The following PIGV variants were observed in gnomAD, a reference collection of about 807,000 sequenced individuals.
The protein encoded by PIGV is phosphatidylinositol glycan anchor biosynthesis class V, also known as GPI alpha-1,6-mannosyltransferase 2.
PIGV carries 27 observed loss-of-function variants against 39.2 expected under a neutral mutation model. The observed-to-expected ratio is 0.69, with a 90% confidence interval of 0.51 to 0.95. PIGV has a LOEUF of 0.95. PIGV is among the 40% of genes least tolerant of loss of function. The pLI is 0.00. For missense variants in PIGV, 523 were observed against 586.4 expected (o/e 0.89, Z 1.12); for synonymous variants, 232 against 241.7 (o/e 0.96, Z 0.37).
At chr1:26,787,899 C>T (rs1420421170), upstream of PIGV, 2 of 152,314 alleles carry the variant, frequency 1.3e-5, no homozygotes, top group East Asian at 3.8e-4. Flanking sequence ...GGCGGGGCTG[C>T]TCCAAGTCCG....
chr1:26,793,084 TC>T (rs1335916343), intron 2 of PIGV, among the ~76,000 whole-genome samples: 2 of 152,188 alleles, frequency 1.3e-5, no homozygotes, highest in African/African-American at 4.8e-5. Context: ...TCTGTCCTCT[TC>T]TCTAAGGCTG....
Position 26,797,950 on chromosome 1 carries a change from A to G in PIGV, c.*106A>G. 1.0e-6 allele frequency: 1 copy of G among 974,362 alleles called. No individual in the cohort carries two copies. Among genetic ancestry groups the G allele is most frequent in the Non-Finnish European group, 1.6e-6 (1 of 609,518 alleles). The allele number at this position is 974,362 out of a possible 1,614,324, so 60.4% of individuals were successfully genotyped here. On this transcript the variant is annotated 3_prime_UTR_variant, in exon 4 of 4. Coordinates refer to ENST00000674202, the MANE Select transcript of PIGV (RefSeq NM_017837.4). The stretch of plus-strand genomic sequence containing the variant: ...CTGCCCTGGGATCATTACTGTGTCC[A>G]TTATAATCTTTCTCTTTCTCTTTGA...
chr1:26,792,619 G>C (rs1488779147), intron 2 of PIGV, among the ~76,000 whole-genome samples: 1 of 152,140 alleles, frequency 6.6e-6, no homozygotes, highest in Non-Finnish European at 1.5e-5. Flanking sequence ...GAGCCACCGC[G>C]CCCGGCCAGC....
Position 26,798,948 on chromosome 1 carries a change from T to G in PIGV, c.*1104T>G, listed in dbSNP as rs566112655. Among the ~76,000 whole-genome samples the G allele has an allele frequency of 6.6e-6, 1 of 151,968 alleles. No individual in the cohort carries two copies. The highest frequency in any genetic ancestry group is 2.1e-4 in the South Asian group (1 of 4,812). On this transcript the variant is annotated 3_prime_UTR_variant, in exon 4 of 4. Transcript: ENST00000674202. Reference sequence around the variant, plus strand: ...GGAAATGATGATATTCTTCAGGGGGTGGTGGTGAATGATGCAGTCTCTTGT... The same window carrying G: ...GGAAATGATGATATTCTTCAGGGGGGGGTGGTGAATGATGCAGTCTCTTGT...
chr1:26,787,650 A>T (rs1180533992), upstream of PIGV: 1 of 152,304 alleles, frequency 6.6e-6, no homozygotes, highest in Non-Finnish European at 1.5e-5. Context: ...CGACTACAAG[A>T]GCCTCGGCCC....
At chr1:26,792,673 C>A (rs184357902) in intron 2 of PIGV, among the ~76,000 whole-genome samples, 1 of 152,332 alleles carries the variant, frequency 6.6e-6, no homozygotes, top group African/African-American at 2.4e-5. Flanking sequence ...ATCATCCCCC[C>A]ACTTCCAATG....
chr1:26,789,210 C>G (rs548707783), intron 1 of PIGV, among the ~76,000 whole-genome samples: 129 of 152,324 alleles, frequency 8.5e-4, no homozygotes, highest in Non-Finnish European at 1.6e-3. Context: ...CGTTTAGATT[C>G]ACAAACTATC....
Position 26,799,080 on chromosome 1 carries a change from C to T in PIGV, c.*1236C>T, listed in dbSNP as rs138656396. Among the ~76,000 whole-genome samples the T allele has an allele frequency of 3.2e-3, 493 of 152,296 alleles. 1 individual carries two copies. Among genetic ancestry groups the T allele is most frequent in the Non-Finnish European group, 4.5e-3 (305 of 68,026 alleles). On this transcript the variant is annotated 3_prime_UTR_variant, in exon 4 of 4. Coordinates refer to ENST00000674202, the MANE Select transcript of PIGV (RefSeq NM_017837.4). ...AATGTGTGATTTTAGGAGAAAATAT[C>T]CAGTTCTCCTGTTTTCAGCAATTAG...
At chr1:26,792,099 T>C (rs2081316670) in intron 2 of PIGV, among the ~76,000 whole-genome samples, 1 of 152,176 alleles carries the variant, frequency 6.6e-6, no homozygotes, top group Non-Finnish European at 1.5e-5. Context: ...AGGTGGTAAG[T>C]GTAAAAAGAC....
Position 26,794,355 on chromosome 1 carries a change from G to A in PIGV, c.321G>A (p.Gly107=). 1 of 1,614,220 alleles carries A rather than the reference G, an allele frequency of 6.2e-7. No individual in the cohort carries two copies. Among genetic ancestry groups the A allele is most frequent in the Non-Finnish European group, 8.5e-7 (1 of 1,180,016 alleles). ...CTGAACTGTTGAGACCCTTACGGGG[G>A]TTACTGAGTCTACGCAGTTGCCTGC... ...VGTELLRPLR[G]LLSLRSCLLI... The change falls in exon 3 of 4, where the codon GGG becomes GGA. Residue 107 remains glycine, a synonymous_variant. Coordinates refer to ENST00000674202, the MANE Select transcript of PIGV (RefSeq NM_017837.4).
Position 26,790,886 on chromosome 1 carries a change from T to G in PIGV, c.71T>G (p.Met24Arg). 1 of 1,613,206 alleles carries G rather than the reference T, an allele frequency of 6.2e-7. No homozygotes were observed. Among genetic ancestry groups the G allele is most frequent in the South Asian group, 1.1e-5 (1 of 91,062 alleles). ...FAVSCRILTLMLQALFNAIIP... is the reference protein window; with the variant it reads ...FAVSCRILTLRLQALFNAIIP... ...GTCAGCTGCCGTATCCTGACTCTGA[T>G]GCTGCAGGTCAGTCTCCCATCCTTT... The change falls in exon 2 of 4, where the codon ATG becomes AGG. Residue 24 changes from methionine to arginine, a missense_variant. Transcript: ENST00000674202.
intron 1 of PIGV, among the ~76,000 whole-genome samples, chr1:26,789,426 T>G (rs540967885): frequency 1.3e-5 from 2 of 152,356 alleles, no homozygotes; most frequent in East Asian, 3.9e-4. Context: ...GTGGCTTCTG[T>G]GACTTTGTCG....
chr1:26,787,280 CTTT>C (rs1011467142), upstream of PIGV, among the ~76,000 whole-genome samples: 2 of 150,544 alleles, frequency 1.3e-5, no homozygotes, highest in Admixed American at 6.7e-5. Flanking sequence ...TTTTTTTCTT[CTTT>C]TTTTGGCCCC....
Position 26,794,144 on chromosome 1 carries a change from A to G in PIGV, c.110A>G (p.His37Arg). ...TTCAATGCCATCATCCCAGATCACC[A>G]TGCAGAAGCCTTCTCTCCTCCTCGC... ...ALFNAIIPDH[H>R]AEAFSPPRLA... Residue 37 changes from histidine (H) to arginine (R), a missense_variant, in exon 3 of 4, where the codon CAT (histidine) becomes CGT (arginine). Transcript: ENST00000674202. The G allele has an allele frequency of 6.2e-7, 1 of 1,614,190 alleles. No individual in the cohort carries two copies. Among genetic ancestry groups the G allele is most frequent in the South Asian group, 1.1e-5 (1 of 91,080 alleles).
intron 1 of PIGV, among the ~76,000 whole-genome samples, chr1:26,790,441 T>C (rs1485504941): frequency 6.6e-6 from 1 of 152,126 alleles, no homozygotes; most frequent in African/African-American, 2.4e-5. Flanking sequence ...TAATGAGAAC[T>C]TGTAAGTGAC....
At chr1:26,788,591 G>T (rs917852735) in intron 1 of PIGV, 1 of 152,278 alleles carries the variant, frequency 6.6e-6, no homozygotes. Context: ...CTCGGAAAGG[G>T]CGCGTACCCT....
intron 1 of PIGV, among the ~76,000 whole-genome samples, chr1:26,790,332 A>G (rs548705353): frequency 6.6e-6 from 1 of 152,270 alleles, no homozygotes; most frequent in Non-Finnish European, 1.5e-5. Flanking sequence ...GTAGAACTTC[A>G]CACTTTGGTC....
chr1:26,795,161 G>A lies in PIGV; in HGVS notation c.1127G>A (p.Ser376Asn). The change falls in exon 3 of 4, where the codon AGT (serine) becomes AAT (asparagine). Residue 376 changes from serine (S) to asparagine (N), a missense_variant. By Grantham distance (46) the Ser-to-Asn change is conservative. Transcript: ENST00000674202. ...TLEKPDLGFL[S>N]PQVFVYVVHA... is the part of the protein sequence containing the mutation. The stretch of plus-strand genomic sequence containing the variant: ...GAGAAGCCCGATCTTGGATTCCTCA[G>A]TCCTCAGGTGTTTGTGTACGTGGTC... The A allele has an allele frequency of 6.2e-7, 1 of 1,614,094 alleles. No individual in the cohort carries two copies.
chr1:26,799,221 A>G lies in PIGV; in HGVS notation c.*1377A>G, dbSNP rs1376995336. ...AAGGTGCCTGTTGTGCCGTTCTCAG[A>G]TGCCTGCTTACTTGATCAGTAGACA... On this transcript the variant is annotated 3_prime_UTR_variant, in exon 4 of 4. Coordinates refer to ENST00000674202, the MANE Select transcript of PIGV (RefSeq NM_017837.4). 1.3e-5 allele frequency among the ~76,000 whole-genome samples: 2 copies of G among 152,212 alleles called. No homozygotes were observed. Among genetic ancestry groups the G allele is most frequent in the Non-Finnish European group, 2.9e-5 (2 of 68,028 alleles).
Sources: gnomAD v4.1 joint callset for allele counts (sites outside exome capture counted in the v4.1 genomes callset) on GRCh38, gnomAD v4.1.1 for gene constraint, MANE v1.5 for transcripts, NCBI Gene and HGNC (gene_info 2026-07-23, HGNC 2026-07-21) for gene names.